ZNF783: variants seen among roughly 807,000 people sequenced by gnomAD.
ZNF783 encodes zinc finger protein 783.
In ZNF783, 25 loss-of-function variants were observed where a neutral mutation model predicts 31.3. That is an observed-to-expected ratio of 0.80 (90% CI 0.58 to 1.11). The LOEUF is 1.11. ZNF783 is among the 50% of genes most tolerant of loss of function. The pLI, the probability that ZNF783 is intolerant of heterozygous loss-of-function variation, is 0.00. For missense variants in ZNF783, 797 were observed against 760.0 expected (o/e 1.05, Z -0.57); for synonymous variants, 369 against 319.1 (o/e 1.16, Z -1.66).
intron 1 of ZNF783, 46 bp downstream of exon 1, chr7:149,262,403 G>A (rs886532585): frequency 3.3e-6 from 4 of 1,207,966 alleles, no homozygotes; most frequent in Non-Finnish European, 4.1e-6. Context: ...CCAGGCCGCC[G>A]CCGCGTGAGC....
intron 5 of ZNF783, among the ~76,000 whole-genome samples, chr7:149,280,662 C>T (rs1797444978): frequency 6.6e-6 from 1 of 152,318 alleles, no homozygotes; most frequent in Admixed American, 6.5e-5. Context: ...GTGGTCTTGG[C>T]GTGGCTGGGC....
At chr7:149,266,072 A>G (rs1797056027) in intron 1 of ZNF783, among the ~76,000 whole-genome samples, 1 of 152,240 alleles carries the variant, frequency 6.6e-6, no homozygotes, top group South Asian at 2.1e-4. Context: ...CTCCATAGCT[A>G]GCCTGTAGGA....
intron 5 of ZNF783, among the ~76,000 whole-genome samples, chr7:149,280,222 C>T (rs62494182): frequency 0.19 from 28,072 of 151,648 alleles, 2,765 homozygotes; most frequent in Admixed American, 0.3. Flanking sequence ...TAGGGGTGGC[C>T]GGGCAGAGGC....
chr7:149,264,746 G>A (rs185840383), intron 1 of ZNF783, among the ~76,000 whole-genome samples: 4 of 151,956 alleles, frequency 2.6e-5, no homozygotes, highest in African/African-American at 7.2e-5. Context: ...GGTGGCGGGC[G>A]TCTGTAGTCC....
At chr7:149,276,741 G>T in intron 4 of ZNF783, 1 of 507,094 alleles carries the variant, frequency 2.0e-6, no homozygotes, top group Non-Finnish European at 2.5e-6. Flanking sequence ...GCACAATCAT[G>T]GCTCACTGCA....
rs979204375 is a variant in ZNF783, at chr7:149,282,298, C to T, written c.1596C>T (p.His532=). ...ACTTCCCTGCCGCCCCCGCCCGCCACGGGAGCCTGCCCCTGCCCTGGCCCA... is the reference window on the plus strand; with the variant it reads ...ACTTCCCTGCCGCCCCCGCCCGCCATGGGAGCCTGCCCCTGCCCTGGCCCA... The part of the protein sequence containing the change: ...GPHFPAAPAR[H]GSLPLPWPSR... Residue 532 remains histidine (H), a synonymous_variant, in exon 6 of 6, where the codon CAC becomes CAT. Transcript: ENST00000434415. The T allele has an allele frequency of 1.3e-6, 2 of 1,568,616 alleles. No homozygotes were observed. Among genetic ancestry groups the T allele is most frequent in the South Asian group, 1.1e-5 (1 of 87,032 alleles).
At chr7:149,279,079 T>C (rs1236780968) in intron 5 of ZNF783, among the ~76,000 whole-genome samples, 1 of 152,208 alleles carries the variant, frequency 6.6e-6, no homozygotes, top group Admixed American at 6.5e-5. Context: ...AGCTCTGTTC[T>C]CTGTCTAGTG....
rs751909710 is a variant in ZNF783, at chr7:149,267,214, T to A, written c.665T>A (p.Met222Lys). 6.3e-7 allele frequency: 1 copy of A among 1,594,330 alleles called. No individual in the cohort carries two copies. ...NEVEVGRPRMMGTGLPPYPEH... is the reference protein window; with the variant it reads ...NEVEVGRPRMKGTGLPPYPEH... ...GTAGAGGTGGGACGTCCAAGGATGA[T>A]GGGCACTGGTAAGTATAGGAGCCAG... Residue 222 changes from methionine (M) to lysine (K), a missense_variant, in exon 4 of 6, where the codon ATG (methionine) becomes AAG (lysine). Met to Lys is a moderately conservative substitution (Grantham distance 95). Coordinates refer to ENST00000434415, the MANE Select transcript of ZNF783 (RefSeq NM_001195220.2).
intron 4 of ZNF783, among the ~76,000 whole-genome samples, chr7:149,271,795 CCT>C (rs1004085443): frequency 6.6e-6 from 1 of 152,092 alleles, no homozygotes. Context: ...TATTCCCACC[CCT>C]GTCTTATTCA....
chr7:149,268,916 A>G lies in ZNF783; in HGVS notation c.673+1694A>G, dbSNP rs373935381. ...AACATTGTGATGAACATACGTGTGC[A>G]TGTATATTTTTGGTATAATGATCTA... On this transcript the variant is annotated intron_variant, in intron 4 of 5. Coordinates refer to ENST00000434415, the MANE Select transcript of ZNF783 (RefSeq NM_001195220.2). Among the ~76,000 whole-genome samples, 25 of 152,310 alleles carry G rather than the reference A, an allele frequency of 1.6e-4. 2 individuals are homozygous for G. In the South Asian group the frequency reaches 4.8e-3, roughly 29 times the overall value.
intron 1 of ZNF783, among the ~76,000 whole-genome samples, chr7:149,265,467 T>C (rs1166034685): frequency 1.3e-5 from 2 of 152,212 alleles, no homozygotes; most frequent in Non-Finnish European, 2.9e-5. Flanking sequence ...GGCAGGGCTC[T>C]TTTCCTGGTT....
intron 4 of ZNF783, among the ~76,000 whole-genome samples, chr7:149,269,252 T>A (rs1797156276): frequency 6.6e-6 from 1 of 152,258 alleles, no homozygotes; most frequent in Non-Finnish European, 1.5e-5. Context: ...TTTTAAGAAA[T>A]GTCTGTTCAT....
At position 149,278,390 on chromosome 7, in the gene ZNF783, A is replaced by C. The variant is rs754634515; in HGVS notation, c.674-9A>C. On this transcript the variant is annotated splice_polypyrimidine_tract_variant and intron_variant, in intron 4 of 5. Coordinates refer to ENST00000434415, the MANE Select transcript of ZNF783 (RefSeq NM_001195220.2). ...GTTGTGCTCAATGTCACTGATTTAC[A>C]TTCTCCAGGCCTCCCTCCGTATCCA... is the stretch of plus-strand genomic sequence containing the variant. The C allele has an allele frequency of 6.3e-7, 1 of 1,598,870 alleles. No individual in the cohort carries two copies. The highest frequency in any genetic ancestry group is 1.3e-5 in the African/African-American group (1 of 74,822).
intron 1 of ZNF783, among the ~76,000 whole-genome samples, chr7:149,263,315 TA>T (rs1563192914): frequency 1.1e-4 from 16 of 143,532 alleles, no homozygotes; most frequent in African/African-American, 3.4e-4. Context: ...TATATATATA[TA>T]TATATATATT....
intron 5 of ZNF783, among the ~76,000 whole-genome samples, chr7:149,280,714 G>C (rs1797446798): frequency 1.5e-5 from 2 of 133,888 alleles, no homozygotes; most frequent in Admixed American, 7.7e-5. Flanking sequence ...CCTCTGCCTA[G>C]AGTCTGTGCT....
chr7:149,267,150 C>A lies in ZNF783; in HGVS notation c.601C>A (p.Pro201Thr), dbSNP rs1452566312. Reference protein sequence around the residue: ...ILTRIERGEEPCLDRWGQEKG... With the variant: ...ILTRIERGEETCLDRWGQEKG... ...CACCCGGATAGAGAGGGGAGAGGAG[C>A]CTTGTCTTGACCGGTGGGGCCAGGA... Residue 201 changes from proline to threonine, a missense_variant, in exon 4 of 6, where the codon CCT becomes ACT. Physicochemically the swap from Pro to Thr is conservative, Grantham distance 38. Coordinates refer to ENST00000434415, the MANE Select transcript of ZNF783 (RefSeq NM_001195220.2). 1 of 1,599,440 alleles carries A rather than the reference C, an allele frequency of 6.3e-7. No individual in the cohort carries two copies. The highest frequency in any genetic ancestry group is 8.5e-7 in the Non-Finnish European group (1 of 1,179,764).
At chr7:149,263,288 G>A (rs1187494540) in intron 1 of ZNF783, among the ~76,000 whole-genome samples, 53 of 110,086 alleles carry the variant, frequency 4.8e-4, no homozygotes, top group African/African-American at 2.1e-3. Flanking sequence ...GTGTGTGTGT[G>A]TGTGTGTGTG....
chr7:149,280,386 C>T (rs2129525201), intron 5 of ZNF783, among the ~76,000 whole-genome samples: 1 of 152,216 alleles, frequency 6.6e-6, no homozygotes, highest in South Asian at 2.1e-4. Context: ...CGCAGCAGAG[C>T]CCCACAGGAG....
chr7:149,272,382 T>G (rs1797227296), intron 4 of ZNF783, among the ~76,000 whole-genome samples: 1 of 152,224 alleles, frequency 6.6e-6, no homozygotes. Context: ...ATATGTTATT[T>G]GGGGAGAATT....
Sources: allele counts gnomAD v4.1 joint callset (sites outside exome capture counted in the v4.1 genomes callset), GRCh38; gene constraint gnomAD v4.1.1; transcripts MANE v1.5; gene names NCBI Gene and HGNC (gene_info 2026-07-23, HGNC 2026-07-21).